Variants in PDGFRA observed in about 807,000 individuals in gnomAD.
PDGFRA encodes the protein platelet-derived growth factor receptor alpha.
In PDGFRA, 25 loss-of-function variants were observed where a neutral mutation model predicts 121.5. The ratio of observed to expected loss-of-function variants is 0.21; its 90% CI spans 0.15 to 0.29. The LOEUF is 0.29. PDGFRA is among the 10% of genes least tolerant of loss of function. PDGFRA has a pLI of 1.00. For synonymous variants in PDGFRA, 463 were observed against 494.8 expected, an observed-to-expected ratio of 0.94 and a Z score of 0.85; for missense variants, 1,008 against 1,345.1, an observed-to-expected ratio of 0.75 and a Z score of 3.92.
At position 54,229,416 on chromosome 4, in the gene PDGFRA, G is replaced by C; in HGVS notation, c.-13+1G>C. 1 of 398,310 alleles carries C rather than the reference G, an allele frequency of 2.5e-6. No homozygotes were observed. The highest frequency in any genetic ancestry group is 4.4e-6 in the Non-Finnish European group (1 of 225,972). 24.7% of individuals were successfully genotyped at this position (398,310 alleles called of 1,614,324 possible). ...TTGCGGAATAACATCGGAGGAGAAG[G>C]TAAGGGAAAAGAAAAAATGATTTTT... is the stretch of plus-strand genomic sequence containing the variant. On this transcript the variant is annotated splice_donor_variant, in intron 1 of 22. Transcript: ENST00000257290. LOFTEE classifies it low-confidence loss of function (5UTR_SPLICE).
At chr4:54,277,197 G>A (rs1180455444) in intron 12 of PDGFRA, 191 bp from the exon 13 acceptor site, 1 of 641,712 alleles carries the variant, frequency 1.6e-6, no homozygotes, top group African/African-American at 1.8e-5. Flanking sequence ...TTCGACAAAA[G>A]CAATTATGCT....
intron 2 of PDGFRA, 94 bp downstream of exon 2, chr4:54,258,911 A>G: frequency 2.0e-6 from 2 of 978,638 alleles, no homozygotes; most frequent in Non-Finnish European, 3.3e-6. Context: ...CTCTGCATAC[A>G]CAGTCCAAAA....
intron 1 of PDGFRA, among the ~76,000 whole-genome samples, chr4:54,244,455 C>T (rs1721503306): frequency 6.6e-6 from 1 of 152,230 alleles, no homozygotes; most frequent in Admixed American, 6.5e-5. Flanking sequence ...CCCAGGCAAA[C>T]AGGGTCTGGA....
At position 54,260,989 on chromosome 4, in the gene PDGFRA, G is replaced by A. The variant is rs552810044; in HGVS notation, c.50-106G>A. 2.8e-5 allele frequency: 28 copies of A among 1,017,174 alleles called. No homozygotes were observed. In the Admixed American group the frequency reaches 3.8e-4, roughly 14 times the overall value. The allele number at this position is 1,017,174 out of a possible 1,614,324, so 63.0% of individuals were successfully genotyped here. A position where few individuals can be genotyped will look rare whatever the true frequency, so the allele number is the denominator to read the frequency against. ...ATCCAGGCTAACGGATTTTTGTGTAGAAATGGTCATTGTTCATCTAAGCTG... is the reference window on the plus strand; with the variant it reads ...ATCCAGGCTAACGGATTTTTGTGTAAAAATGGTCATTGTTCATCTAAGCTG... On this transcript the variant is annotated intron_variant, in intron 2 of 22. Transcript: ENST00000257290.
At chr4:54,254,294 G>A (rs768971606) in intron 1 of PDGFRA, among the ~76,000 whole-genome samples, 10 of 152,202 alleles carry the variant, frequency 6.6e-5, no homozygotes, top group Non-Finnish European at 1.3e-4. Context: ...TCACAAACAG[G>A]CCTAGATTTC....
chr4:54,232,204 G>A (rs982097185), intron 1 of PDGFRA, among the ~76,000 whole-genome samples: 32 of 151,786 alleles, frequency 2.1e-4, no homozygotes, highest in African/African-American at 7.8e-4. Context: ...GGTCTAACTC[G>A]CCGGGTCCAA....
rs1185214354 is a variant in PDGFRA, at chr4:54,288,816, G to A, written c.2692G>A (p.Gly898Ser). The change falls in exon 20 of 23, where the codon GGC becomes AGC. Residue 898 changes from glycine (G) to serine (S), a missense_variant. Coordinates refer to ENST00000257290, the MANE Select transcript of PDGFRA (RefSeq NM_006206.6). ...IFSLGGTPYPGMMVDSTFYNK... is the reference protein window; with the variant it reads ...IFSLGGTPYPSMMVDSTFYNK... ...GCTTTTAGGTGGCACCCCTTACCCC[G>A]GCATGATGGTGGATTCTACTTTCTA... 8.1e-6 allele frequency: 13 copies of A among 1,611,926 alleles called. No homozygotes were observed. The highest frequency in any genetic ancestry group is 2.7e-5 in the African/African-American group (2 of 74,886).
At chr4:54,287,376 T>TCA in intron 18 of PDGFRA, 54 bp from the exon 19 acceptor site, 1 of 797,970 alleles carries the variant, frequency 1.3e-6, no homozygotes, top group Non-Finnish European at 2.3e-6. Context: ...TTTCCACTGC[T>TCA]GTGGATCATC....
At chr4:54,246,338 G>A (rs917057873) in intron 1 of PDGFRA, among the ~76,000 whole-genome samples, 3 of 152,124 alleles carry the variant, frequency 2.0e-5, no homozygotes, top group East Asian at 3.8e-4. Flanking sequence ...CTCAGCAAAT[G>A]TAAAAGAACA....
At chr4:54,244,879 A>T (rs375116780) in intron 1 of PDGFRA, among the ~76,000 whole-genome samples, 5 of 152,352 alleles carry the variant, frequency 3.3e-5, no homozygotes, top group Middle Eastern at 3.4e-3. Context: ...TTAAAGGAGC[A>T]GATGGAGCTG....
At position 54,265,465 on chromosome 4, in the gene PDGFRA, C is replaced by A. The variant is rs897617746; in HGVS notation, c.759+416C>A. ...GATTCATCTGATAGTGTTGATTGCCCGCACCCCTTCCTCTTCTGCCTTGTT... is the reference window on the plus strand; with the variant it reads ...GATTCATCTGATAGTGTTGATTGCCAGCACCCCTTCCTCTTCTGCCTTGTT... On this transcript the variant is annotated intron_variant, in intron 5 of 22. Transcript: ENST00000257290. 6 of 272,734 alleles carry A rather than the reference C, an allele frequency of 2.2e-5. No homozygotes were observed. In the Admixed American group the frequency reaches 2.7e-4, roughly 12 times the overall value. The allele number at this position is 272,734 out of a possible 1,614,324, so 16.9% of individuals were successfully genotyped here.
chr4:54,277,295 C>T, intron 12 of PDGFRA, 93 bp from the exon 13 acceptor site: 4 of 858,848 alleles, frequency 4.7e-6, no homozygotes, highest in Non-Finnish European at 8.1e-6. Context: ...AAGACACTCG[C>T]CCAGCTGTCC....
At chr4:54,279,252 G>A (rs1347729748) in intron 15 of PDGFRA, among the ~76,000 whole-genome samples, 5 of 152,180 alleles carry the variant, frequency 3.3e-5, no homozygotes, top group Non-Finnish European at 5.9e-5. Flanking sequence ...CAGGATGTGC[G>A]GGCTCCTGCT....
chr4:54,247,498 G>T (rs1373899134), intron 1 of PDGFRA, among the ~76,000 whole-genome samples: 1 of 152,032 alleles, frequency 6.6e-6, no homozygotes, highest in Non-Finnish European at 1.5e-5. Flanking sequence ...ATGCAGAAAA[G>T]GCCTTTGACA....
intron 4 of PDGFRA, 36 bp downstream of exon 4, chr4:54,263,963 G>A (rs1018927417): frequency 6.3e-7 from 1 of 1,594,262 alleles, no homozygotes; most frequent in Non-Finnish European, 8.6e-7. Flanking sequence ...TTAAATAAGA[G>A]TAACAGGCAA....
chr4:54,296,884 G>A lies in PDGFRA; in HGVS notation c.*1612G>A, dbSNP rs1724908049. On this transcript the variant is annotated 3_prime_UTR_variant, in exon 23 of 23. Transcript: ENST00000257290. ...ATTGCGACCTTAATTTAACTTTCCA[G>A]TCTTAGCTGAGGCTGAGAAAGCTAA... 1 of 232,984 alleles carries A rather than the reference G, an allele frequency of 4.3e-6. No homozygotes were observed. The highest frequency in any genetic ancestry group is 1.8e-4 in the South Asian group (1 of 5,530). 14.4% of individuals were successfully genotyped at this position (232,984 alleles called of 1,614,324 possible).
At chr4:54,261,035 T>G in intron 2 of PDGFRA, 60 bp from the exon 3 acceptor site, 1 of 1,451,114 alleles carries the variant, frequency 6.9e-7, no homozygotes, top group Non-Finnish European at 9.7e-7. Flanking sequence ...TTCTCTCAGT[T>G]GTCGGGATGA....
intron 1 of PDGFRA, among the ~76,000 whole-genome samples, chr4:54,234,525 T>C (rs1328396236): frequency 1.3e-5 from 2 of 152,206 alleles, no homozygotes; most frequent in Admixed American, 1.3e-4. Flanking sequence ...TTTTTATTTA[T>C]TTTTTGCTCA....
At chr4:54,243,388 GT>G (rs1370823865) in intron 1 of PDGFRA, among the ~76,000 whole-genome samples, 1 of 152,174 alleles carries the variant, frequency 6.6e-6, no homozygotes, top group African/African-American at 2.4e-5. Context: ...AGCAAAATGT[GT>G]TTTTGGTAAA....
Sources: gnomAD v4.1 joint callset for allele counts (sites outside exome capture counted in the v4.1 genomes callset) on GRCh38, gnomAD v4.1.1 for gene constraint, MANE v1.5 for transcripts, NCBI Gene and HGNC (gene_info 2026-07-23, HGNC 2026-07-21) for gene names.